The following ATP8A2 variants were observed in gnomAD, a reference collection of about 807,000 sequenced individuals.
ATP8A2 encodes the protein ATPase phospholipid transporting 8A2, also known as phospholipid-transporting ATPase IB.
ATP8A2 carries 100 observed loss-of-function variants against 165.6 expected under a neutral mutation model. The ratio of observed to expected loss-of-function variants is 0.60; its 90% confidence interval spans 0.51 to 0.71. ATP8A2 has a LOEUF of 0.71. Ranked by LOEUF, ATP8A2 falls within the 30% of genes least tolerant of loss-of-function variation. The pLI is 0.00. For missense variants in ATP8A2, 1,227 were observed against 1,479.5 expected (o/e 0.83, Z 2.80); for synonymous variants, 543 against 548.8 (o/e 0.99, Z 0.15).
intron 24 of ATP8A2, among the ~76,000 whole-genome samples, chr13:25,670,959 C>G (rs1030198830): frequency 3.7e-4 from 57 of 152,150 alleles, no homozygotes; most frequent in African/African-American, 1.3e-3. Flanking sequence ...TGTTAAGTGT[C>G]TTGCTTCAGC....
intron 1 of ATP8A2, among the ~76,000 whole-genome samples, chr13:25,465,649 G>A (rs2035614424): frequency 8.1e-6 from 1 of 123,388 alleles, no homozygotes; most frequent in Admixed American, 8.8e-5. Flanking sequence ...CACCTCCCCA[G>A]AAATCTTGCA....
At chr13:25,983,855 G>A (rs1024179301) in intron 35 of ATP8A2, among the ~76,000 whole-genome samples, 1 of 152,142 alleles carries the variant, frequency 6.6e-6, no homozygotes, top group African/African-American at 2.4e-5. Flanking sequence ...AAAGTGATGA[G>A]TGACATTCCA....
chr13:25,777,904 C>A (rs1156567291), intron 27 of ATP8A2, among the ~76,000 whole-genome samples: 1 of 152,222 alleles, frequency 6.6e-6, no homozygotes, highest in African/African-American at 2.4e-5. Flanking sequence ...CTCTCGCCCC[C>A]AAACCTCCTT....
chr13:25,772,430 T>A (rs1216807027), intron 26 of ATP8A2, among the ~76,000 whole-genome samples: 1 of 152,164 alleles, frequency 6.6e-6, no homozygotes, highest in Non-Finnish European at 1.5e-5. Context: ...TTTAGCTAGT[T>A]ATTTTATGAT....
chr13:25,513,776 G>A (rs914870401), intron 2 of ATP8A2, among the ~76,000 whole-genome samples: 4 of 152,184 alleles, frequency 2.6e-5, no homozygotes, highest in Non-Finnish European at 4.4e-5. Flanking sequence ...GCAACACAGC[G>A]AAACCCCGTC....
chr13:25,396,548 C>T (rs550662832), intron 1 of ATP8A2, among the ~76,000 whole-genome samples: 110 of 152,150 alleles, frequency 7.2e-4, no homozygotes, highest in African/African-American at 2.4e-3. Context: ...CAGTCCCAGC[C>T]GGCTTCTGTC....
At chr13:25,905,783 T>C (rs1593537338) in intron 33 of ATP8A2, among the ~76,000 whole-genome samples, 5 of 152,232 alleles carry the variant, frequency 3.3e-5, no homozygotes, top group Admixed American at 3.3e-4. Flanking sequence ...TCCACTCTCC[T>C]GGGGCCCCTT....
At chr13:25,704,831 G>A (rs2043022648) in intron 25 of ATP8A2, among the ~76,000 whole-genome samples, 1 of 152,198 alleles carries the variant, frequency 6.6e-6, no homozygotes, top group Non-Finnish European at 1.5e-5. Context: ...TGTGGTCTCA[G>A]CTAGGAGTGG....
chr13:25,661,869 A>G (rs1447068510), intron 24 of ATP8A2, among the ~76,000 whole-genome samples: 1 of 152,202 alleles, frequency 6.6e-6, no homozygotes, highest in Middle Eastern at 3.2e-3. Flanking sequence ...AATTTAAGTG[A>G]TTATGGGAAG....
Position 25,769,046 on chromosome 13 carries a change from A to G in ATP8A2, c.2385A>G (p.Arg795=). The change falls in exon 26 of 37, where the codon AGA becomes AGG. Residue 795 remains arginine, a splice_region_variant and synonymous_variant. Coordinates refer to ENST00000381655, the MANE Select transcript of ATP8A2 (RefSeq NM_016529.6). ...CTGATTTCCCTCTCTTTTCTCACAG[A>G]GTGTCTCCTCTGCAGAAGTCTGAGA... The part of the protein sequence containing the change: ...ALSCKAVICC[R]VSPLQKSEIV... The G allele has an allele frequency of 3.1e-6, 5 of 1,614,002 alleles. No individual in the cohort carries two copies. Among genetic ancestry groups the G allele is most frequent in the Non-Finnish European group, 4.2e-6 (5 of 1,179,904 alleles).
chr13:25,520,368 T>A (rs1431449623), intron 2 of ATP8A2, among the ~76,000 whole-genome samples: 1 of 152,250 alleles, frequency 6.6e-6, no homozygotes, highest in African/African-American at 2.4e-5. Flanking sequence ...TTTTTGTGGC[T>A]GAATAAGTAC....
intron 1 of ATP8A2, among the ~76,000 whole-genome samples, chr13:25,449,244 G>A (rs12323056): frequency 0.06 from 9,113 of 152,034 alleles, 501 homozygotes; most frequent in African/African-American, 0.14. Flanking sequence ...TCTAATGTAA[G>A]CATTTAAGCT....
intron 2 of ATP8A2, among the ~76,000 whole-genome samples, chr13:25,489,285 G>A (rs981508241): frequency 6.6e-6 from 1 of 152,074 alleles, no homozygotes; most frequent in Non-Finnish European, 1.5e-5. Context: ...GTGTCTGGCT[G>A]CAGCCTTTAA....
chr13:25,732,249 G>A (rs189028825), intron 25 of ATP8A2, among the ~76,000 whole-genome samples: 3 of 152,304 alleles, frequency 2.0e-5, no homozygotes, highest in Admixed American at 1.3e-4. Flanking sequence ...CAATATCCTT[G>A]CTAGATGAGC....
intron 33 of ATP8A2, among the ~76,000 whole-genome samples, chr13:25,881,343 A>C (rs150951545): frequency 6.6e-6 from 1 of 152,292 alleles, no homozygotes; most frequent in African/African-American, 2.4e-5. Context: ...TGCCCAATGC[A>C]ATAAACAGAC....
At chr13:25,918,890 AG>A (rs892992959) in intron 33 of ATP8A2, among the ~76,000 whole-genome samples, 3 of 152,236 alleles carry the variant, frequency 2.0e-5, no homozygotes, top group Non-Finnish European at 4.4e-5. Flanking sequence ...AAATTATTAA[AG>A]GGTGCAAATT....
chr13:25,842,152 C>A (rs1472443699), intron 30 of ATP8A2, among the ~76,000 whole-genome samples: 3 of 152,096 alleles, frequency 2.0e-5, no homozygotes, highest in African/African-American at 7.2e-5. Flanking sequence ...AGATAAAATG[C>A]TATTAGATAT....
intron 33 of ATP8A2, among the ~76,000 whole-genome samples, chr13:25,949,724 G>A (rs1041051): frequency 0.65 from 98,555 of 152,042 alleles, 32,559 homozygotes; most frequent in East Asian, 0.76. Context: ...CCTGAGACAC[G>A]GAAGATAGAG....
At chr13:25,747,291 C>T (rs773818571) in intron 25 of ATP8A2, among the ~76,000 whole-genome samples, 4 of 152,204 alleles carry the variant, frequency 2.6e-5, no homozygotes, top group Non-Finnish European at 5.9e-5. Context: ...CCTCATCTGC[C>T]GTGCTCCTTG....
Sources: gnomAD v4.1 joint callset for allele counts (sites outside exome capture counted in the v4.1 genomes callset) on GRCh38, gnomAD v4.1.1 for gene constraint, MANE v1.5 for transcripts, NCBI Gene and HGNC (gene_info 2026-07-23, HGNC 2026-07-21) for gene names.